FLRT2: variants seen among roughly 807,000 people sequenced by gnomAD.
FLRT2 encodes leucine-rich repeat transmembrane protein FLRT2.
Under a neutral mutation model 40.0 loss-of-function variants are expected in FLRT2, and 15 were observed. The ratio of observed to expected loss-of-function variants is 0.38; its 90% CI spans 0.25 to 0.58. The LOEUF (loss-of-function observed/expected upper bound fraction) is 0.58, where lower values mean the gene tolerates loss of function less well. FLRT2 is among the 20% of genes least tolerant of loss of function. The pLI, the probability that FLRT2 is intolerant of heterozygous loss-of-function variation, is 0.71. For synonymous variants in FLRT2, 380 were observed against 336.8 expected, an observed-to-expected ratio of 1.13 and a Z score of -1.41; for missense variants, 726 against 840.0, an observed-to-expected ratio of 0.86 and a Z score of 1.68.
At position 85,622,312 on chromosome 14, in the gene FLRT2, C is replaced by T; in HGVS notation, c.798C>T (p.His266=). 6.2e-7 allele frequency: 1 copy of T among 1,614,170 alleles called. No homozygotes were observed. Among genetic ancestry groups the T allele is most frequent in the Non-Finnish European group, 8.5e-7 (1 of 1,180,024 alleles). Residue 266 remains histidine, a synonymous_variant, in exon 2 of 2, where the codon CAC becomes CAT. Coordinates refer to ENST00000330753, the MANE Select transcript of FLRT2 (RefSeq NM_013231.6). ...RLYLQDNQIN[H]IPLTAFSNLR... ...ATTTGCAGGACAACCAGATAAACCACATTCCTTTGACAGCCTTCTCAAATC... is the reference window on the plus strand; with the variant it reads ...ATTTGCAGGACAACCAGATAAACCATATTCCTTTGACAGCCTTCTCAAATC...
At chr14:85,531,881 TGTGTGAGCGC>T (rs2139790749) in intron 1 of FLRT2, among the ~76,000 whole-genome samples, 1 of 152,196 alleles carries the variant, frequency 6.6e-6, no homozygotes, top group East Asian at 1.9e-4. Context: ...TGTGCTCGCG[TGTGTGAGCGC>T]GTGTGCCAGC....
intron 1 of FLRT2, among the ~76,000 whole-genome samples, chr14:85,615,048 C>T (rs1233826905): frequency 1.3e-5 from 2 of 152,172 alleles, no homozygotes; most frequent in African/African-American, 4.8e-5. Context: ...ACTACCCAAC[C>T]AGTTGCTATC....
intron 1 of FLRT2, among the ~76,000 whole-genome samples, chr14:85,601,788 T>G (rs911205868): frequency 2.6e-5 from 4 of 152,192 alleles, no homozygotes; most frequent in Admixed American, 6.5e-5. Context: ...ATAATTATAA[T>G]TATTACTGGT....
At chr14:85,545,082 A>AT (rs1362005840) in intron 1 of FLRT2, among the ~76,000 whole-genome samples, 4 of 152,164 alleles carry the variant, frequency 2.6e-5, no homozygotes, top group African/African-American at 7.2e-5. Context: ...CTGGAGGCTT[A>AT]TAACACCACC....
At chr14:85,584,937 C>T (rs183529261) in intron 1 of FLRT2, among the ~76,000 whole-genome samples, 688 of 66,600 alleles carry the variant, frequency 0.01, 2 homozygotes, top group Non-Finnish European at 0.017. Context: ...GGTGGCAGGG[C>T]GGGGGGAAGG....
intron 1 of FLRT2, among the ~76,000 whole-genome samples, chr14:85,558,438 G>A (rs929103095): frequency 2.0e-5 from 3 of 152,304 alleles, no homozygotes; most frequent in African/African-American, 7.2e-5. Context: ...GATTTAAAAG[G>A]AGAAGTAAAG....
At chr14:85,582,849 A>G (rs1349716539) in intron 1 of FLRT2, among the ~76,000 whole-genome samples, 1 of 151,908 alleles carries the variant, frequency 6.6e-6, no homozygotes, top group Admixed American at 6.6e-5. Flanking sequence ...ACCTCATTTT[A>G]TAAGATTCTG....
At chr14:85,559,275 C>T (rs1890162888) in intron 1 of FLRT2, 1 of 152,208 alleles carries the variant, frequency 6.6e-6, no homozygotes, top group Admixed American at 6.5e-5. Context: ...ACATTGCAGC[C>T]TGAAAACAGA....
intron 1 of FLRT2, among the ~76,000 whole-genome samples, chr14:85,533,283 G>T (rs1160723478): frequency 6.6e-6 from 1 of 152,046 alleles, no homozygotes; most frequent in Non-Finnish European, 1.5e-5. Context: ...CATATCCGGG[G>T]GTGTCAGGAG....
chr14:85,568,486 A>G (rs1890736234), intron 1 of FLRT2, among the ~76,000 whole-genome samples: 1 of 152,142 alleles, frequency 6.6e-6, no homozygotes, highest in Admixed American at 6.5e-5. Context: ...TTTTTCTGGT[A>G]TAACCTGCAG....
In FLRT2 at chr14:85,578,911, T is replaced by C. The variant is rs569653148; in HGVS notation, c.-376-42228T>C. On this transcript the variant is annotated intron_variant, in intron 1 of 1. Coordinates refer to ENST00000330753, the MANE Select transcript of FLRT2 (RefSeq NM_013231.6). ...GAAGGCACTCCAAAGGCTGGAGATG[T>C]CTTGCAAACTTGGGAAATATTTGAG... 7.2e-5 allele frequency among the ~76,000 whole-genome samples: 11 copies of C among 152,286 alleles called. No individual in the cohort carries two copies. In the South Asian group the frequency reaches 2.3e-3, roughly 32 times the overall value.
chr14:85,618,023 G>T (rs1305673092), intron 1 of FLRT2, among the ~76,000 whole-genome samples: 1 of 152,204 alleles, frequency 6.6e-6, no homozygotes, highest in Non-Finnish European at 1.5e-5. Context: ...TGGGGGCAAA[G>T]GGTTGGCTGA....
rs932789074 is a variant in FLRT2, at chr14:85,622,634, C to T, written c.1120C>T (p.Pro374Ser). The T allele has an allele frequency of 6.2e-7, 1 of 1,613,880 alleles. No homozygotes were observed. The highest frequency in any genetic ancestry group is 1.6e-4 in the Middle Eastern group (1 of 6,062). Residue 374 changes from proline to serine, a missense_variant, in exon 2 of 2, where the codon CCA becomes TCA. Pro to Ser is a moderately conservative substitution (Grantham distance 74). Coordinates refer to ENST00000330753, the MANE Select transcript of FLRT2 (RefSeq NM_013231.6). ...CGGCCTGCCTCTCTTCACCCCAGCC[C>T]CAAGTACAGCTTCTCCGACCACTCA... The part of the protein sequence containing the change: ...TPGLPLFTPA[P>S]STASPTTQPP...
In FLRT2 at chr14:85,645,829, A is replaced by C. The variant is rs1894287246; in HGVS notation, c.*22332A>C. The stretch of plus-strand genomic sequence containing the variant: ...GATGTTGGTAACATATGCATTCAAC[A>C]ACATAGTTCATTTGGTAGAGTCAAT... On this transcript the variant is annotated 3_prime_UTR_variant, in exon 2 of 2. Coordinates refer to ENST00000330753, the MANE Select transcript of FLRT2 (RefSeq NM_013231.6). 1 of 152,190 alleles carries C rather than the reference A, an allele frequency of 6.6e-6. No individual in the cohort carries two copies. Among genetic ancestry groups the C allele is most frequent in the African/African-American group, 2.4e-5 (1 of 41,460 alleles). 9.4% of individuals were successfully genotyped at this position (152,190 alleles called of 1,614,324 possible). A position where few individuals can be genotyped will look rare whatever the true frequency, so the allele number is the denominator to read the frequency against.
intron 1 of FLRT2, among the ~76,000 whole-genome samples, chr14:85,548,594 C>G (rs374784372): frequency 5.9e-5 from 9 of 152,316 alleles, no homozygotes; most frequent in African/African-American, 2.2e-4. Flanking sequence ...ATTGCAAAAC[C>G]ATAGACTAGC....
rs1890014518 is a variant in FLRT2 at position 85,557,130 on chromosome 14, T to C, written c.-377+26596T>C. Among the ~76,000 whole-genome samples the C allele has an allele frequency of 3.3e-5, 5 of 152,148 alleles. No individual in the cohort carries two copies. In the South Asian group the frequency reaches 1.0e-3, roughly 32 times the overall value. ...ACACATGGGAATTATGGGAATATGATTCAAGATGAGATTTGGGTGGGGACA... is the reference window on the plus strand; with the variant it reads ...ACACATGGGAATTATGGGAATATGACTCAAGATGAGATTTGGGTGGGGACA... On this transcript the variant is annotated intron_variant, in intron 1 of 1. Transcript: ENST00000330753.
intron 1 of FLRT2, among the ~76,000 whole-genome samples, chr14:85,620,118 C>G (rs1275080820): frequency 6.6e-6 from 1 of 151,952 alleles, no homozygotes; most frequent in African/African-American, 2.4e-5. Flanking sequence ...GAGGTGCAAG[C>G]TATTTTGGAG....
chr14:85,631,604 T>C lies in FLRT2; in HGVS notation c.*8107T>C, dbSNP rs993221548. 9.9e-5 allele frequency: 15 copies of C among 152,146 alleles called. No homozygotes were observed. The highest frequency in any genetic ancestry group is 3.6e-4 in the African/African-American group (15 of 41,424). 9.4% of individuals were successfully genotyped at this position (152,146 alleles called of 1,614,324 possible). ...GTTCTGACTTGTGCAAAATTAGCCT[T>C]GCTCAAAGACCACAGTATGCGTTTT... On this transcript the variant is annotated 3_prime_UTR_variant, in exon 2 of 2. Coordinates refer to ENST00000330753, the MANE Select transcript of FLRT2 (RefSeq NM_013231.6).
chr14:85,557,252 G>GT (rs34327470), intron 1 of FLRT2, among the ~76,000 whole-genome samples: 47,677 of 147,504 alleles, frequency 0.32, 7,839 homozygotes, highest in East Asian at 0.45. Context: ...AATTTCCAGT[G>GT]TTTTTTTTTT....
Sources: gnomAD v4.1 joint callset for allele counts (sites outside exome capture counted in the v4.1 genomes callset) on GRCh38, gnomAD v4.1.1 for gene constraint, MANE v1.5 for transcripts, NCBI Gene and HGNC (gene_info 2026-07-23, HGNC 2026-07-21) for gene names.